The following NRROS variants were observed in gnomAD, a reference collection of about 807,000 sequenced individuals.
The protein encoded by NRROS is transforming growth factor beta activator LRRC33.
Under a neutral mutation model 12.0 loss-of-function variants are expected in NRROS, and 6 were observed. The ratio of observed to expected loss-of-function variants is 0.50; its 90% CI spans 0.27 to 0.98. NRROS has a LOEUF of 0.98. NRROS is among the 50% of genes least tolerant of loss of function. The probability of loss-of-function intolerance (pLI) is 0.11; values close to 1 mark genes in which losing one functional copy is unlikely to be tolerated. For synonymous variants in NRROS, 462 were observed against 410.2 expected (o/e 1.13, Z -1.53); for missense variants, 857 against 888.2 (o/e 0.96, Z 0.45).
In NRROS at chr3:196,651,501, TC is replaced by T. The variant is rs553827958; in HGVS notation, c.-13-3025del. Among the ~76,000 whole-genome samples, 68 of 152,222 alleles carry T rather than the reference TC, an allele frequency of 4.5e-4. No homozygotes were observed. The East Asian group carries it at 0.012, about 26-fold the overall frequency. Reference sequence around the variant, plus strand: ...GAGAAGGTGGGCCAGGCACCATGACTCACGCCTGTAATCCCATCACTTTGGG... The same window carrying T: ...GAGAAGGTGGGCCAGGCACCATGACTACGCCTGTAATCCCATCACTTTGGG... On this transcript the variant is annotated intron_variant, in intron 1 of 2. Transcript: ENST00000328557.
intron 1 of NRROS, among the ~76,000 whole-genome samples, chr3:196,646,611 G>A (rs1737317733): frequency 1.3e-5 from 2 of 152,244 alleles, no homozygotes; most frequent in South Asian, 4.1e-4. Context: ...GTGGCCCTAA[G>A]GAAGTGAGGG....
chr3:196,650,641 C>T (rs1737406831), intron 1 of NRROS, among the ~76,000 whole-genome samples: 1 of 152,208 alleles, frequency 6.6e-6, no homozygotes, highest in Non-Finnish European at 1.5e-5. Context: ...GTTCTTCTTC[C>T]TCACTGTCAG....
chr3:196,660,880 C>G lies in NRROS; in HGVS notation c.1237C>G (p.Gln413Glu). ...GCGCTTGTTCAACCTGAGCTCCAAC[C>G]AGCTCCTGGGCGTCCCCCCTGGCCT... ...SLRLFNLSSN[Q>E]LLGVPPGLFA... is the part of the protein sequence containing the mutation. The change falls in exon 3 of 3, where the codon CAG becomes GAG. Residue 413 changes from glutamine (Q) to glutamate (E), a missense_variant. Transcript: ENST00000328557. The surrounding 1 kb of genome is among the most constrained non-coding windows in gnomAD (Gnocchi z 7.7). 1 of 1,614,092 alleles carries G rather than the reference C, an allele frequency of 6.2e-7. No homozygotes were observed. The highest frequency in any genetic ancestry group is 8.5e-7 in the Non-Finnish European group (1 of 1,180,040).
intron 1 of NRROS, among the ~76,000 whole-genome samples, chr3:196,645,073 A>G (rs970755642): frequency 6.6e-6 from 1 of 152,224 alleles, no homozygotes; most frequent in African/African-American, 2.4e-5. Flanking sequence ...ATTCCTTGTC[A>G]TGATCATAAA....
intron 1 of NRROS, among the ~76,000 whole-genome samples, chr3:196,652,653 A>T (rs1737451188): frequency 6.6e-6 from 1 of 152,226 alleles, no homozygotes; most frequent in African/African-American, 2.4e-5. Flanking sequence ...TTAAACTTGC[A>T]AAATTCTTGA....
intron 2 of NRROS, among the ~76,000 whole-genome samples, chr3:196,656,380 G>A (rs1737537830): frequency 1.3e-5 from 2 of 152,184 alleles, no homozygotes; most frequent in Admixed American, 1.3e-4. Flanking sequence ...GAGGTTACAA[G>A]CTAGACTGGC....
chr3:196,647,681 C>T (rs190493143), intron 1 of NRROS, among the ~76,000 whole-genome samples: 8 of 152,302 alleles, frequency 5.3e-5, no homozygotes, highest in African/African-American at 1.9e-4. Context: ...GGCTCAGCCT[C>T]CCGAGTAGCT....
In NRROS at chr3:196,661,109, A is replaced by G. The variant is rs757969652; in HGVS notation, c.1466A>G (p.Tyr489Cys). 3 of 1,613,848 alleles carry G rather than the reference A, an allele frequency of 1.9e-6. No individual in the cohort carries two copies. In the South Asian group the frequency reaches 3.3e-5, roughly 18 times the overall value. ...DCPFQGTSLT[Y>C]LDLSSNWGVL... Reference sequence around the variant, plus strand: ...CCATTCCAAGGGACCTCCCTGACCTACTTAGACCTCTCAAGCAACTGGGGG... The same window carrying G: ...CCATTCCAAGGGACCTCCCTGACCTGCTTAGACCTCTCAAGCAACTGGGGG... The change falls in exon 3 of 3, where the codon TAC becomes TGC. Residue 489 changes from tyrosine (Y) to cysteine (C), a missense_variant. By Grantham distance (194) the Tyr-to-Cys change is radical (BLOSUM62 -2). Transcript: ENST00000328557.
Position 196,661,377 on chromosome 3 carries a change from G to A in NRROS, c.1734G>A (p.Val578=). 1.3e-6 allele frequency: 2 copies of A among 1,573,606 alleles called. No homozygotes were observed. The highest frequency in any genetic ancestry group is 1.7e-6 in the Non-Finnish European group (2 of 1,157,984). Residue 578 remains valine (V), a synonymous_variant, in exon 3 of 3, where the codon GTG becomes GTA. Coordinates refer to ENST00000328557, the MANE Select transcript of NRROS (RefSeq NM_198565.3). Reference sequence around the variant, plus strand: ...TCACAGCCCTTCCCCAGAAGGCTGTGTCTGAGCAGCTCTCGAGAGGTCTGC... The same window carrying A: ...TCACAGCCCTTCCCCAGAAGGCTGTATCTGAGCAGCTCTCGAGAGGTCTGC... The part of the protein sequence containing the change: ...NSLTALPQKA[V]SEQLSRGLRT...
intron 2 of NRROS, among the ~76,000 whole-genome samples, 191 bp from the exon 3 acceptor site, chr3:196,659,561 G>A (rs886685228): frequency 1.3e-5 from 2 of 151,906 alleles, no homozygotes; most frequent in Non-Finnish European, 2.9e-5. Flanking sequence ...CACCTGCCTC[G>A]GCCTCCCAAA....
chr3:196,643,894 A>G (rs1221684622), intron 1 of NRROS, among the ~76,000 whole-genome samples: 1 of 151,912 alleles, frequency 6.6e-6, no homozygotes, highest in Non-Finnish European at 1.5e-5. Context: ...TGGTCGTCAG[A>G]CACCAAGGCT....
intron 1 of NRROS, among the ~76,000 whole-genome samples, chr3:196,641,437 A>G (rs1163433513): frequency 6.6e-6 from 1 of 151,950 alleles, no homozygotes; most frequent in African/African-American, 2.4e-5. Flanking sequence ...CTGGTCTCAA[A>G]CTCCTGGGCT....
chr3:196,642,085 G>A (rs1261706564), intron 1 of NRROS, among the ~76,000 whole-genome samples: 1 of 152,092 alleles, frequency 6.6e-6, no homozygotes, highest in Non-Finnish European at 1.5e-5. Flanking sequence ...ATGTCATGTG[G>A]TCATTCTGTG....
chr3:196,643,164 G>A (rs149630767), intron 1 of NRROS, among the ~76,000 whole-genome samples: 59 of 152,282 alleles, frequency 3.9e-4, no homozygotes, highest in African/African-American at 1.4e-3. Context: ...AAGAAAGGGG[G>A]TGATTTTCTC....
rs1577636927 is a variant in NRROS, at chr3:196,659,938, G to C, written c.295G>C (p.Gly99Arg). 1.2e-6 allele frequency: 2 copies of C among 1,614,026 alleles called. No homozygotes were observed. Among genetic ancestry groups the C allele is most frequent in the African/African-American group, 1.3e-5 (1 of 75,042 alleles). Residue 99 changes from glycine (G) to arginine (R), a missense_variant, in exon 3 of 3, where the codon GGC becomes CGC. Transcript: ENST00000328557. The part of the protein sequence containing the change: ...HSCHLERISR[G>R]AFQEQGHLRS... ...CTGCCACCTGGAGCGCATCAGCCGCGGCGCCTTCCAGGAGCAAGGTCACCT... is the reference window on the plus strand; with the variant it reads ...CTGCCACCTGGAGCGCATCAGCCGCCGCGCCTTCCAGGAGCAAGGTCACCT...
At chr3:196,653,686 C>G (rs541617099) in intron 1 of NRROS, among the ~76,000 whole-genome samples, 1 of 152,346 alleles carries the variant, frequency 6.6e-6, no homozygotes, top group South Asian at 2.1e-4. Context: ...CTGCTCTTAG[C>G]CCTGCCACTA....
intron 1 of NRROS, among the ~76,000 whole-genome samples, chr3:196,652,069 C>T (rs972944933): frequency 6.6e-6 from 1 of 152,202 alleles, no homozygotes; most frequent in Non-Finnish European, 1.5e-5. Context: ...GGGGAAGGCG[C>T]AGCTCTGGGG....
At chr3:196,652,724 C>T (rs1228230247) in intron 1 of NRROS, among the ~76,000 whole-genome samples, 2 of 152,176 alleles carry the variant, frequency 1.3e-5, no homozygotes, top group African/African-American at 4.8e-5. Flanking sequence ...GCCTTCCAGT[C>T]TGAAGGTTGC....
Position 196,660,823 on chromosome 3 carries a change from G to A in NRROS, c.1180G>A (p.Ala394Thr). Residue 394 changes from alanine to threonine, a missense_variant, in exon 3 of 3, where the codon GCT becomes ACT. By Grantham distance (58) the Ala-to-Thr change is moderately conservative. Coordinates refer to ENST00000328557, the MANE Select transcript of NRROS (RefSeq NM_198565.3). This position sits in a 1 kb window ranked among gnomAD's most constrained non-coding sequence, Gnocchi z 7.7. ...SHNQLSELHL[A>T]PGLASCLGSL... ...CAACCAGCTGTCGGAGCTGCACCTG[G>A]CTCCGGGGCTGGCCAGCTGCCTGGG... 6.2e-7 allele frequency: 1 copy of A among 1,613,618 alleles called. No individual in the cohort carries two copies. The highest frequency in any genetic ancestry group is 8.5e-7 in the Non-Finnish European group (1 of 1,180,036).
Sources: gnomAD v4.1 joint callset for allele counts (sites outside exome capture counted in the v4.1 genomes callset) on GRCh38, gnomAD v4.1.1 for gene constraint, Gnocchi (gnomAD v3.1) non-coding constraint, MANE v1.5 for transcripts, NCBI Gene and HGNC (gene_info 2026-07-23, HGNC 2026-07-21) for gene names.